The following USP8 variants were observed in gnomAD, a reference collection of about 807,000 sequenced individuals.
USP8 encodes the protein ubiquitin specific peptidase 8, also known as ubiquitin carboxyl-terminal hydrolase 8.
USP8 carries 27 observed loss-of-function variants against 130.0 expected under a neutral mutation model. That is an observed-to-expected ratio of 0.21 (90% confidence interval 0.15 to 0.29). USP8 has a LOEUF of 0.29. Ranked by LOEUF, USP8 falls within the 10% of genes least tolerant of loss-of-function variation. The probability of loss-of-function intolerance (pLI) is 1.00; values close to 1 mark genes in which losing one functional copy is unlikely to be tolerated. For synonymous variants in USP8, 392 were observed against 444.1 expected (o/e 0.88, Z 1.48); for missense variants, 1,029 against 1,312.2 (o/e 0.78, Z 3.33).
chr15:50,471,459 G>T (rs534497848), intron 7 of USP8, among the ~76,000 whole-genome samples, 174 bp from the exon 8 acceptor site: 6 of 152,296 alleles, frequency 3.9e-5, no homozygotes, highest in Admixed American at 2.6e-4. Context: ...TAGTGAAGGG[G>T]TTAAACATGT....
At chr15:50,487,847 T>C (rs1040614438) in intron 12 of USP8, among the ~76,000 whole-genome samples, 11 of 152,324 alleles carry the variant, frequency 7.2e-5, no homozygotes, top group African/African-American at 2.6e-4. Context: ...TGCTAAATGC[T>C]TGAGGGCAGT....
At chr15:50,441,249 T>C in intron 2 of USP8, 100 bp from the exon 3 acceptor site, 1 of 1,179,672 alleles carries the variant, frequency 8.5e-7, no homozygotes, top group Non-Finnish European at 1.1e-6. Flanking sequence ...GCCCTGGGGT[T>C]GGGGATCCCT....
intron 1 of USP8, among the ~76,000 whole-genome samples, chr15:50,431,537 A>G (rs2049932447): frequency 6.6e-6 from 1 of 152,058 alleles, no homozygotes; most frequent in Admixed American, 6.6e-5. Flanking sequence ...AGGGAGAAAC[A>G]TTTATTAAAG....
chr15:50,477,565 C>A, intron 10 of USP8, 66 bp downstream of exon 10: 1 of 1,395,538 alleles, frequency 7.2e-7, no homozygotes, highest in Admixed American at 2.0e-5. Flanking sequence ...TATAGCTGGG[C>A]ACAGTGCCTC....
chr15:50,439,980 G>T (rs34623184), intron 2 of USP8, among the ~76,000 whole-genome samples: 4,207 of 152,136 alleles, frequency 0.028, 115 homozygotes, highest in East Asian at 0.14. Flanking sequence ...CCCAGCTAGT[G>T]GGGGGCTGAG....
intron 4 of USP8, among the ~76,000 whole-genome samples, chr15:50,454,996 C>T (rs1475234355): frequency 4.2e-5 from 6 of 143,010 alleles, no homozygotes; most frequent in Non-Finnish European, 7.8e-5. Flanking sequence ...GATGGTTCTC[C>T]CTTCAAATAC....
At chr15:50,458,721 T>G (rs921320669) in intron 4 of USP8, 5 of 277,690 alleles carry the variant, frequency 1.8e-5, no homozygotes, top group South Asian at 6.2e-5. Context: ...GCAGCAGATT[T>G]GAATCAATAT....
intron 8 of USP8, 57 bp downstream of exon 8, chr15:50,471,852 A>C: frequency 6.3e-7 from 1 of 1,578,244 alleles, no homozygotes; most frequent in South Asian, 1.1e-5. Context: ...GGTTGTTAGA[A>C]AGGCATGTTA....
rs2052523090 is a variant in USP8, at chr15:50,499,109, A to G, written c.*21A>G. On this transcript the variant is annotated 3_prime_UTR_variant, in exon 20 of 20. Coordinates refer to ENST00000307179, the MANE Select transcript of USP8 (RefSeq NM_005154.5). ...CATAAGGAGACATAGGTTATAAACT[A>G]GTTATCTTTTAAAAGGCTCAGCAAC... 1 of 1,560,110 alleles carries G rather than the reference A, an allele frequency of 6.4e-7. No individual in the cohort carries two copies. Among genetic ancestry groups the G allele is most frequent in the Middle Eastern group, 1.9e-4 (1 of 5,266 alleles).
At position 50,507,507 on chromosome 15, in the gene USP8, A is replaced by G. The variant is rs1233911170; in HGVS notation, c.*8419A>G. The G allele has an allele frequency of 2.0e-5, 3 of 152,162 alleles. No individual in the cohort carries two copies. In the East Asian group the frequency reaches 5.8e-4, roughly 29 times the overall value. The allele number at this position is 152,162 out of a possible 1,614,324, so 9.4% of individuals were successfully genotyped here. On this transcript the variant is annotated 3_prime_UTR_variant, in exon 20 of 20. Coordinates refer to ENST00000307179, the MANE Select transcript of USP8 (RefSeq NM_005154.5). ...CAGCTAAAATGGTCCCTAAGATAGAATGCATTGTAAATGAGTCACTTTATA... is the reference window on the plus strand; with the variant it reads ...CAGCTAAAATGGTCCCTAAGATAGAGTGCATTGTAAATGAGTCACTTTATA...
intron 3 of USP8, among the ~76,000 whole-genome samples, chr15:50,444,820 C>G (rs1003237504): frequency 6.6e-6 from 1 of 152,152 alleles, no homozygotes; most frequent in Non-Finnish European, 1.5e-5. Flanking sequence ...GCGGTGGGCA[C>G]AGTCATGGTT....
chr15:50,491,789 T>C (rs1469553862), intron 14 of USP8, among the ~76,000 whole-genome samples: 2 of 152,214 alleles, frequency 1.3e-5, no homozygotes, highest in African/African-American at 4.8e-5. Context: ...AGCAGATCTT[T>C]CCATGGTGAT....
chr15:50,499,819 A>T lies in USP8; in HGVS notation c.*731A>T, dbSNP rs904535610. ...GTTCTGTCTTTAATATTGTATTATC[A>T]AATATAGGACAGTAAAACCATAGAT... On this transcript the variant is annotated 3_prime_UTR_variant, in exon 20 of 20. Transcript: ENST00000307179. 1 of 152,140 alleles carries T rather than the reference A, an allele frequency of 6.6e-6. No individual in the cohort carries two copies. Among genetic ancestry groups the T allele is most frequent in the African/African-American group, 2.4e-5 (1 of 41,460 alleles). The allele number at this position is 152,140 out of a possible 1,614,324, so 9.4% of individuals were successfully genotyped here.
chr15:50,470,928 A>G (rs1418950057), intron 7 of USP8, among the ~76,000 whole-genome samples: 7 of 152,172 alleles, frequency 4.6e-5, no homozygotes, highest in Non-Finnish European at 1.0e-4. Flanking sequence ...GCAAACGATG[A>G]TGTGAACATT....
chr15:50,441,682 G>C (rs888083557), intron 3 of USP8, among the ~76,000 whole-genome samples, 189 bp downstream of exon 3: 1 of 152,106 alleles, frequency 6.6e-6, no homozygotes, highest in East Asian at 1.9e-4. Context: ...GTGTGAACTC[G>C]TACACATTCT....
chr15:50,434,268 A>G (rs561973249), intron 1 of USP8, among the ~76,000 whole-genome samples: 35 of 151,394 alleles, frequency 2.3e-4, no homozygotes, highest in African/African-American at 8.0e-4. Flanking sequence ...ACGTCCGGCT[A>G]ATTTTTGTAT....
intron 3 of USP8, 98 bp from the exon 4 acceptor site, chr15:50,449,302 T>A: frequency 1.5e-6 from 1 of 648,400 alleles, no homozygotes; most frequent in Admixed American, 3.8e-5. Flanking sequence ...AAAACAAACT[T>A]CCCTTTATAT....
rs1301142119 is a variant in USP8, at chr15:50,489,896, TAGC to T, written c.1971+18_1971+20del. ...GCTGGGCCAAGGTAAAAGTCAGAAT[TAGC>T]AGTAAAATAGCCACTGTGTTCCTAA... On this transcript the variant is annotated intron_variant, in intron 13 of 19. Coordinates refer to ENST00000307179, the MANE Select transcript of USP8 (RefSeq NM_005154.5). 6.4e-7 allele frequency: 1 copy of T among 1,558,358 alleles called. No homozygotes were observed. Among genetic ancestry groups the T allele is most frequent in the Non-Finnish European group, 8.6e-7 (1 of 1,157,262 alleles).
intron 3 of USP8, among the ~76,000 whole-genome samples, chr15:50,448,230 T>C (rs747480603): frequency 6.6e-6 from 1 of 152,184 alleles, no homozygotes; most frequent in Non-Finnish European, 1.5e-5. Flanking sequence ...TTACAAATTA[T>C]GATTATTATA....
Sources: allele counts gnomAD v4.1 joint callset (sites outside exome capture counted in the v4.1 genomes callset), GRCh38; gene constraint gnomAD v4.1.1; transcripts MANE v1.5; gene names NCBI Gene and HGNC (gene_info 2026-07-23, HGNC 2026-07-21).